The following POLR1A variants were observed in gnomAD, a reference collection of about 807,000 sequenced individuals.
POLR1A encodes DNA-directed RNA polymerase I subunit RPA1.
POLR1A carries 84 observed loss-of-function variants against 205.3 expected under a neutral mutation model. The ratio of observed to expected loss-of-function variants is 0.41; its 90% confidence interval spans 0.34 to 0.49. POLR1A has a LOEUF of 0.49. Among genes scored for constraint, POLR1A ranks in the 20% least tolerant of loss-of-function variants. The pLI is 0.22. For missense variants in POLR1A, 1,645 were observed against 2,204.5 expected, an observed-to-expected ratio of 0.75 and a Z score of 5.08; for synonymous variants, 799 against 863.7, an observed-to-expected ratio of 0.93 and a Z score of 1.31.
At position 86,044,300 on chromosome 2, in the gene POLR1A, T is replaced by G. The variant is rs977229991; in HGVS notation, c.2974A>C (p.Ile992Leu). Reference protein sequence around the residue: ...TSRSGYLQRCIIKHLEGLVVQ... With the variant: ...TSRSGYLQRCLIKHLEGLVVQ... Reference sequence around the variant, plus strand: ...ACCAGCCCCTCTAGGTGCTTGATGATGCACCTGTAAGGACACCATCGGCTC... The same window carrying G: ...ACCAGCCCCTCTAGGTGCTTGATGAGGCACCTGTAAGGACACCATCGGCTC... The change falls in exon 22 of 34, where the codon ATC becomes CTC. Residue 992 changes from isoleucine to leucine, a missense_variant. By Grantham distance (5) the Ile-to-Leu change is conservative. Coordinates refer to ENST00000263857, the MANE Select transcript of POLR1A (RefSeq NM_015425.6). 1.9e-6 allele frequency: 3 copies of G among 1,614,036 alleles called. No individual in the cohort carries two copies. Among genetic ancestry groups the G allele is most frequent in the Non-Finnish European group, 2.5e-6 (3 of 1,180,010 alleles).
intron 12 of POLR1A, among the ~76,000 whole-genome samples, chr2:86,073,205 A>G (rs1451144581): frequency 5.1e-5 from 1 of 19,768 alleles, no homozygotes; most frequent in Non-Finnish European, 8.9e-5. Context: ...TCTCAAAAAA[A>G]AATAAAATAA....
intron 24 of POLR1A, among the ~76,000 whole-genome samples, chr2:86,041,124 C>T (rs1672592045): frequency 6.6e-6 from 1 of 151,218 alleles, no homozygotes; most frequent in African/African-American, 2.4e-5. Flanking sequence ...CTGTTAAGAA[C>T]AGCCACTAGG....
rs564374194 is a variant in POLR1A, at chr2:86,067,287, T to C, written c.1867-1822A>G. Among the ~76,000 whole-genome samples, 4 of 152,316 alleles carry C rather than the reference T, an allele frequency of 2.6e-5. No homozygotes were observed. The East Asian group carries it at 5.8e-4, about 22-fold the overall frequency. ...TATTCTCCTTAATAGCAAAATGACA[T>C]TACAATTAATGTCTCTGGTTAGGAT... On this transcript the variant is annotated intron_variant, in intron 13 of 33. Coordinates refer to ENST00000263857, the MANE Select transcript of POLR1A (RefSeq NM_015425.6).
intron 25 of POLR1A, 145 bp from the exon 26 acceptor site, chr2:86,039,607 T>C (rs994213449): frequency 2.0e-6 from 2 of 999,186 alleles, no homozygotes; most frequent in Non-Finnish European, 3.0e-6. Context: ...GATCAGAGAA[T>C]CCCAGCTCTG....
intron 27 of POLR1A, 81 bp downstream of exon 27, chr2:86,038,619 C>T (rs951112118): frequency 1.4e-6 from 2 of 1,410,554 alleles, no homozygotes; most frequent in African/African-American, 2.8e-5. Context: ...CTCTAGGAGC[C>T]TTGTGGCTAG....
chr2:86,054,314 G>C, intron 14 of POLR1A, 25 bp from the exon 15 acceptor site: 2 of 1,609,396 alleles, frequency 1.2e-6, no homozygotes, highest in Non-Finnish European at 1.7e-6. Context: ...AGGACAAACT[G>C]ATGGCAAAAA....
intron 6 of POLR1A, among the ~76,000 whole-genome samples, chr2:86,085,369 T>C (rs1673486462): frequency 6.6e-6 from 1 of 152,200 alleles, no homozygotes; most frequent in Non-Finnish European, 1.5e-5. Flanking sequence ...TTTAAAGTTT[T>C]GATGTCGATA....
rs1672618253 is a variant in POLR1A, at chr2:86,041,958, T to A, written c.3503A>T (p.Asp1168Val). 1.9e-6 allele frequency: 3 copies of A among 1,614,204 alleles called. No homozygotes were observed. Among genetic ancestry groups the A allele is most frequent in the Non-Finnish European group, 1.7e-6 (2 of 1,180,008 alleles). ...SVSETFETKV[D>V]DYSQEWAAQT... The stretch of plus-strand genomic sequence containing the variant: ...AGCTGCCCACTCTTGACTGTAGTCA[T>A]CAACCTTTGTTTCAAATGTTTCTGA... The change falls in exon 24 of 34, where the codon GAT becomes GTT. Residue 1168 changes from aspartate (D) to valine (V), a missense_variant. Physicochemically the swap from Asp to Val is radical, Grantham distance 152. Coordinates refer to ENST00000263857, the MANE Select transcript of POLR1A (RefSeq NM_015425.6).
chr2:86,078,959 G>C (rs955073377), intron 9 of POLR1A, among the ~76,000 whole-genome samples: 2 of 152,158 alleles, frequency 1.3e-5, no homozygotes, highest in African/African-American at 4.8e-5. Context: ...AGCTGGCTTA[G>C]AGCACCACCT....
At chr2:86,084,197 C>T (rs192825198) in intron 6 of POLR1A, among the ~76,000 whole-genome samples, 117 of 152,228 alleles carry the variant, frequency 7.7e-4, no homozygotes, top group African/African-American at 2.7e-3. Flanking sequence ...ACCCAGGAGG[C>T]GGAGCTTGCA....
rs569912890 is a variant in POLR1A at position 86,054,015 on chromosome 2, C to T, written c.2208+125G>A. On this transcript the variant is annotated intron_variant, in intron 15 of 33. Transcript: ENST00000263857. ...AAAGCTGACAACAACTCAGGCACAA[C>T]GCCTTCTCTTCTGAGGCACAGTACC... The T allele has an allele frequency of 2.6e-4, 226 of 884,362 alleles. No homozygotes were observed. In the African/African-American group the frequency reaches 3.1e-3, roughly 12 times the overall value. 54.8% of individuals were successfully genotyped at this position (884,362 alleles called of 1,614,324 possible).
intron 3 of POLR1A, among the ~76,000 whole-genome samples, chr2:86,091,908 G>A (rs189539490): frequency 1.1e-4 from 17 of 152,192 alleles, no homozygotes; most frequent in African/African-American, 4.1e-4. Flanking sequence ...GAGGTCAGGA[G>A]TCCAAGACCA....
At chr2:86,061,257 T>C (rs193001020) in intron 14 of POLR1A, among the ~76,000 whole-genome samples, 1 of 152,190 alleles carries the variant, frequency 6.6e-6, no homozygotes, top group East Asian at 1.9e-4. Flanking sequence ...GACCAGCCTG[T>C]CTAACATGGA....
intron 14 of POLR1A, among the ~76,000 whole-genome samples, chr2:86,061,452 G>A (rs1233910558): frequency 1.3e-5 from 2 of 152,062 alleles, no homozygotes; most frequent in Non-Finnish European, 2.9e-5. Context: ...CAAGCATTTT[G>A]GAAAACTTTA....
Position 86,027,948 on chromosome 2 carries a change from AAG to A in POLR1A, c.4997_4998del (p.Ser1666PhefsTer9). 6.2e-7 allele frequency: 1 copy of A among 1,614,248 alleles called. No individual in the cohort carries two copies. Among genetic ancestry groups the A allele is most frequent in the Non-Finnish European group, 8.5e-7 (1 of 1,180,044 alleles). ...PLNRFGIRSN[S>X]SPLQQMTFET... is the part of the protein sequence containing the mutation. ...TCAAATGTCATCTGCTGTAGCGGGG[AAG>A]AGTTTGACCGGATCCCAAAGCGATT... is the stretch of plus-strand genomic sequence containing the variant. On this transcript the variant is annotated frameshift_variant, in exon 33 of 34. Transcript: ENST00000263857. LOFTEE classifies it high-confidence loss of function.
intron 26 of POLR1A, 146 bp downstream of exon 26, chr2:86,039,181 C>T: frequency 1.2e-6 from 1 of 867,896 alleles, no homozygotes; most frequent in African/African-American, 1.7e-5. Flanking sequence ...CATCTCTGCT[C>T]AGCACCTGGC....
rs564175660 is a variant in POLR1A at position 86,074,586 on chromosome 2, T to C, written c.1611+444A>G. Among the ~76,000 whole-genome samples the C allele has an allele frequency of 3.9e-5, 6 of 152,340 alleles. No homozygotes were observed. The South Asian group carries it at 1.2e-3, about 32-fold the overall frequency. On this transcript the variant is annotated intron_variant, in intron 12 of 33. Transcript: ENST00000263857. The stretch of plus-strand genomic sequence containing the variant: ...CTACCACAGCACTATGGGCTAGCAT[T>C]AGCAATTGCCCAAAATGGAAACATT...
intron 1 of POLR1A, among the ~76,000 whole-genome samples, chr2:86,101,119 T>C (rs913626298): frequency 4.6e-5 from 7 of 152,352 alleles, no homozygotes; most frequent in Middle Eastern, 6.8e-3. Context: ...TCACATTTTA[T>C]GTTTGGTTTG....
Position 86,030,193 on chromosome 2 carries a change from T to C in POLR1A, c.4779+3A>G. ...TCCCAGGCCAGCAGACAGCCTGTCT[T>C]ACCTCTGCATACTTGAATAGCTCTG... On this transcript the variant is annotated splice_donor_region_variant and intron_variant, in intron 31 of 33. Transcript: ENST00000263857. 6.2e-7 allele frequency: 1 copy of C among 1,612,370 alleles called. No homozygotes were observed. The highest frequency in any genetic ancestry group is 8.5e-7 in the Non-Finnish European group (1 of 1,178,332).
Sources: gnomAD v4.1 joint callset for allele counts (sites outside exome capture counted in the v4.1 genomes callset) on GRCh38, gnomAD v4.1.1 for gene constraint, MANE v1.5 for transcripts, NCBI Gene and HGNC (gene_info 2026-07-23, HGNC 2026-07-21) for gene names.